FAM83B: variants seen among roughly 807,000 people sequenced by gnomAD.
The protein encoded by FAM83B is protein FAM83B.
Under a neutral mutation model 38.8 loss-of-function variants are expected in FAM83B, and 26 were observed. That is an observed-to-expected ratio of 0.67 (90% CI 0.49 to 0.93). The LOEUF (loss-of-function observed/expected upper bound fraction) is 0.93. FAM83B is among the 40% of genes least tolerant of loss of function. The pLI is 0.00. For missense variants in FAM83B, 1,237 were observed against 1,197.3 expected (o/e 1.03, Z -0.49); for synonymous variants, 419 against 423.1 (o/e 0.99, Z 0.12).
chr6:54,925,321 C>T (rs1319769159), intron 2 of FAM83B, among the ~76,000 whole-genome samples: 1 of 152,034 alleles, frequency 6.6e-6, no homozygotes, highest in African/African-American at 2.4e-5. Flanking sequence ...ATCTTTATTA[C>T]TTATTATGTC....
chr6:54,927,410 T>G (rs549887522), intron 3 of FAM83B, 98 bp from the exon 4 acceptor site: 59 of 989,774 alleles, frequency 6.0e-5, no homozygotes, highest in Non-Finnish European at 7.3e-5. Context: ...CTTAAGTAAA[T>G]TTTTTTATAT....
rs1487990240 is a variant in FAM83B at position 54,941,916 on chromosome 6, A to G, written c.2945A>G (p.Asn982Ser). 5 of 1,613,950 alleles carry G rather than the reference A, an allele frequency of 3.1e-6. No homozygotes were observed. The highest frequency in any genetic ancestry group is 1.3e-5 in the African/African-American group (1 of 74,924). Residue 982 changes from asparagine (N) to serine (S), a missense_variant, in exon 5 of 5, where the codon AAC becomes AGC. By Grantham distance (46) the Asn-to-Ser change is conservative. Coordinates refer to ENST00000306858, the MANE Select transcript of FAM83B (RefSeq NM_001010872.3). ...YGRSSPLLNY[N>S]TGVYRSYQPN... ...AGGTCTAGTCCATTGCTTAATTACA[A>G]CACTGGTGTTTATCGCTCATATCAA...
At position 54,939,748 on chromosome 6, in the gene FAM83B, G is replaced by A; in HGVS notation, c.777G>A (p.Gln259=). ...SFEKAHLSMV[Q]IITGQLVESF... ...AGAAAGCTCACCTCAGCATGGTTCAGATAATTACAGGACAACTTGTTGAGT... is the reference window on the plus strand; with the variant it reads ...AGAAAGCTCACCTCAGCATGGTTCAAATAATTACAGGACAACTTGTTGAGT... Residue 259 remains glutamine, a synonymous_variant, in exon 5 of 5, where the codon CAG becomes CAA. Transcript: ENST00000306858. The A allele has an allele frequency of 1.2e-6, 2 of 1,613,166 alleles. No individual in the cohort carries two copies. Among genetic ancestry groups the A allele is most frequent in the Non-Finnish European group, 1.7e-6 (2 of 1,179,644 alleles).
Position 54,892,339 on chromosome 6 carries a change from C to T in FAM83B, c.444+21649C>T, listed in dbSNP as rs772721674. On this transcript the variant is annotated intron_variant, in intron 2 of 4. Transcript: ENST00000306858. ...TTGTTATATAAATAAAATCATGTCA[C>T]GGGGGCTTGTTGTACAGATCATTTC... 6.1e-4 allele frequency among the ~76,000 whole-genome samples: 93 copies of T among 151,388 alleles called. 1 individual carries two copies. The highest frequency in any genetic ancestry group is 8.5e-4 in the Non-Finnish European group (58 of 67,896).
At chr6:54,855,056 A>G (rs921540897) in intron 1 of FAM83B, among the ~76,000 whole-genome samples, 11 of 152,190 alleles carry the variant, frequency 7.2e-5, no homozygotes, top group Non-Finnish European at 1.2e-4. Context: ...TAACTTCAGA[A>G]TTTTCATTTT....
Position 54,941,763 on chromosome 6 carries a change from G to T in FAM83B, c.2792G>T (p.Arg931Leu). ...SELLRSHSTD[R>L]RVYSRFEPFC... ...CTTCTACGATCTCATTCAACTGATC[G>T]GCGTGTTTACAGTCGTTTTGAGCCG... The change falls in exon 5 of 5, where the codon CGG (arginine) becomes CTG (leucine). Residue 931 changes from arginine to leucine, a missense_variant. Arg to Leu is a moderately radical substitution (Grantham distance 102, BLOSUM62 -2). Transcript: ENST00000306858. The T allele has an allele frequency of 6.2e-7, 1 of 1,614,032 alleles. No homozygotes were observed. Among genetic ancestry groups the T allele is most frequent in the Non-Finnish European group, 8.5e-7 (1 of 1,180,010 alleles).
intron 1 of FAM83B, among the ~76,000 whole-genome samples, chr6:54,861,105 G>A (rs182373489): frequency 6.6e-6 from 1 of 152,124 alleles, no homozygotes; most frequent in Admixed American, 6.5e-5. Context: ...TTATTTTTTA[G>A]TAGTCTCTAG....
intron 2 of FAM83B, among the ~76,000 whole-genome samples, chr6:54,875,249 G>T (rs1771962996): frequency 6.6e-6 from 1 of 152,164 alleles, no homozygotes; most frequent in East Asian, 1.9e-4. Flanking sequence ...ATTAGTTCGT[G>T]ATAGAAATGA....
In FAM83B at chr6:54,943,280, C is replaced by A. The variant is rs1278237044; in HGVS notation, c.*1273C>A. 6.6e-6 allele frequency: 1 copy of A among 152,088 alleles called. No individual in the cohort carries two copies. The highest frequency in any genetic ancestry group is 1.9e-4 in the East Asian group (1 of 5,186). 9.4% of individuals were successfully genotyped at this position (152,088 alleles called of 1,614,324 possible). A position where few individuals can be genotyped will look rare whatever the true frequency, so the allele number is the denominator to read the frequency against. ...AGAAGTTTTACTGGGCTAGTTCTTC[C>A]ATGATTTGAGGATGATATTCAGATT... is the stretch of plus-strand genomic sequence containing the variant. On this transcript the variant is annotated 3_prime_UTR_variant, in exon 5 of 5. Coordinates refer to ENST00000306858, the MANE Select transcript of FAM83B (RefSeq NM_001010872.3).
rs909565914 is a variant in FAM83B at position 54,895,528 on chromosome 6, T to C, written c.444+24838T>C. ...CAATATTACTTTTACAAGCAATATC[T>C]ATTCAAACTCAGTTATTGCACCACA... On this transcript the variant is annotated intron_variant, in intron 2 of 4. Coordinates refer to ENST00000306858, the MANE Select transcript of FAM83B (RefSeq NM_001010872.3). 3.9e-5 allele frequency among the ~76,000 whole-genome samples: 6 copies of C among 152,374 alleles called. No individual in the cohort carries two copies. In the South Asian group the frequency reaches 8.3e-4, roughly 21 times the overall value.
chr6:54,865,705 G>C (rs1372143986), intron 1 of FAM83B, among the ~76,000 whole-genome samples: 1 of 152,028 alleles, frequency 6.6e-6, no homozygotes, highest in Non-Finnish European at 1.5e-5. Context: ...ATTTAAAAAA[G>C]CTGTAATTTC....
At chr6:54,918,145 T>G (rs1471347162) in intron 2 of FAM83B, among the ~76,000 whole-genome samples, 1 of 152,202 alleles carries the variant, frequency 6.6e-6, no homozygotes, top group Non-Finnish European at 1.5e-5. Context: ...TCTATGGTAA[T>G]GAAGTATTAG....
chr6:54,886,946 A>T (rs1327043231), intron 2 of FAM83B, among the ~76,000 whole-genome samples: 2 of 152,004 alleles, frequency 1.3e-5, no homozygotes, highest in Non-Finnish European at 2.9e-5. Flanking sequence ...ATTTTAATTG[A>T]TCCTTTGGTT....
chr6:54,933,417 T>C (rs558789202), intron 4 of FAM83B, among the ~76,000 whole-genome samples: 1 of 152,236 alleles, frequency 6.6e-6, no homozygotes, highest in East Asian at 1.9e-4. Context: ...TTTGTTTGTT[T>C]TTAGCTCATT....
intron 1 of FAM83B, among the ~76,000 whole-genome samples, chr6:54,854,674 C>CA (rs766373774): frequency 3.9e-5 from 6 of 151,908 alleles, no homozygotes; most frequent in East Asian, 1.9e-4. Context: ...ACTGGGAAAC[C>CA]AAAAAAAATT....
chr6:54,875,640 G>A (rs9475052), intron 2 of FAM83B, among the ~76,000 whole-genome samples: 3,393 of 151,938 alleles, frequency 0.022, 129 homozygotes, highest in African/African-American at 0.078. Flanking sequence ...GGAGAAGGAC[G>A]GAAAGAGAGA....
intron 2 of FAM83B, among the ~76,000 whole-genome samples, chr6:54,914,596 G>A (rs868080947): frequency 1.3e-5 from 2 of 151,980 alleles, no homozygotes; most frequent in South Asian, 2.1e-4. Context: ...TTCACTCCAG[G>A]GTTGTTGGGC....
rs554348977 is a variant in FAM83B, at chr6:54,887,391, C to T, written c.444+16701C>T. On this transcript the variant is annotated intron_variant, in intron 2 of 4. Coordinates refer to ENST00000306858, the MANE Select transcript of FAM83B (RefSeq NM_001010872.3). ...TTGAGAAAGCACAGTTTGGAACATA[C>T]AGAGGTCCTGGAACTGGAACTGTGT... is the stretch of plus-strand genomic sequence containing the variant. Among the ~76,000 whole-genome samples, 13 of 152,300 alleles carry T rather than the reference C, an allele frequency of 8.5e-5. No homozygotes were observed. In the South Asian group the frequency reaches 2.7e-3, roughly 32 times the overall value.
intron 4 of FAM83B, among the ~76,000 whole-genome samples, chr6:54,932,985 A>AT (rs574411561): frequency 9.9e-5 from 15 of 151,928 alleles, no homozygotes; most frequent in African/African-American, 3.4e-4. Flanking sequence ...TTGTATGTCA[A>AT]TTTTTTTTCC....
Sources: allele counts gnomAD v4.1 joint callset (sites outside exome capture counted in the v4.1 genomes callset), GRCh38; gene constraint gnomAD v4.1.1; transcripts MANE v1.5; gene names NCBI Gene and HGNC (gene_info 2026-07-23, HGNC 2026-07-21).